Variants in NOTCH4 observed in about 807,000 individuals in gnomAD.
NOTCH4 encodes neurogenic locus notch homolog protein 4.
NOTCH4 carries 138 observed loss-of-function variants against 189.0 expected under a neutral mutation model. The ratio of observed to expected loss-of-function variants is 0.73; its 90% confidence interval spans 0.64 to 0.84. The LOEUF (loss-of-function observed/expected upper bound fraction) is 0.84, where lower values mean the gene tolerates loss of function less well. Ranked by LOEUF, NOTCH4 falls within the 40% of genes least tolerant of loss-of-function variation. The probability of loss-of-function intolerance (pLI) is 0.00; values close to 1 mark genes in which losing one functional copy is unlikely to be tolerated. For synonymous variants in NOTCH4, 942 were observed against 1,032.8 expected, an observed-to-expected ratio of 0.91 and a Z score of 1.69; for missense variants, 2,286 against 2,605.4, an observed-to-expected ratio of 0.88 and a Z score of 2.67.
chr6:32,196,461 C>T (rs1308209124), intron 28 of NOTCH4, 40 bp from the exon 29 acceptor site: 1 of 1,605,074 alleles, frequency 6.2e-7, no homozygotes, highest in Non-Finnish European at 8.5e-7. Flanking sequence ...CAGTTGGGGG[C>T]CAGACGCCTG....
rs760719771 is a variant in NOTCH4, at chr6:32,201,036, T to C, written c.4140-30A>G. On this transcript the variant is annotated intron_variant, in intron 22 of 29. Transcript: ENST00000375023. The surrounding 1 kb of genome is among the most constrained non-coding windows in gnomAD (Gnocchi z 5.5). The stretch of plus-strand genomic sequence containing the variant: ...AGAGGAGGCACCTCAGAGACCTCTG[T>C]ATTGGTCCCTGGCTCCCTTTCCTCC... 6.4e-7 allele frequency: 1 copy of C among 1,561,032 alleles called. No individual in the cohort carries two copies.
intron 28 of NOTCH4, among the ~76,000 whole-genome samples, 158 bp downstream of exon 28, chr6:32,196,767 A>G (rs1582766661): frequency 4.7e-5 from 7 of 150,532 alleles, no homozygotes; most frequent in Admixed American, 3.3e-4. Flanking sequence ...TTGGGGGGGG[A>G]AACTCACGCG....
Position 32,195,970 on chromosome 6 carries a change from C to T in NOTCH4, c.5479G>A (p.Ala1827Thr), listed in dbSNP as rs1255285415. The T allele has an allele frequency of 3.1e-6, 5 of 1,597,328 alleles. No homozygotes were observed. The highest frequency in any genetic ancestry group is 4.2e-6 in the Non-Finnish European group (5 of 1,178,612). The change falls in exon 30 of 30, where the codon GCC becomes ACC. Residue 1827 changes from alanine (A) to threonine (T), a missense_variant. Physicochemically the swap from Ala to Thr is moderately conservative, Grantham distance 58 (BLOSUM62 0). Coordinates refer to ENST00000375023, the MANE Select transcript of NOTCH4 (RefSeq NM_004557.4). The surrounding 1 kb of genome is among the most constrained non-coding windows in gnomAD (Gnocchi z 5.4). ...CGGCCCGGCGTGGCTTTGTGACGGGCCTCTGGTGGCCCAGCCCCTTCCAGC... is the reference window on the plus strand; with the variant it reads ...CGGCCCGGCGTGGCTTTGTGACGGGTCTCTGGTGGCCCAGCCCCTTCCAGC... Reference protein sequence around the residue: ...TLLEGAGPPEARHKATPGREA... With the variant: ...TLLEGAGPPETRHKATPGREA...
intron 18 of NOTCH4, among the ~76,000 whole-genome samples, chr6:32,205,606 G>A (rs1688344033): frequency 6.7e-6 from 1 of 149,852 alleles, no homozygotes; most frequent in Non-Finnish European, 1.5e-5. Context: ...GTGCCCAGAG[G>A]TTTACTACTG....
chr6:32,207,148 C>T (rs1428093576), intron 18 of NOTCH4, among the ~76,000 whole-genome samples: 1 of 151,182 alleles, frequency 6.6e-6, no homozygotes, highest in African/African-American at 2.4e-5. Context: ...TCAGGCTGGT[C>T]TCGAACTCCT....
At position 32,198,541 on chromosome 6, in the gene NOTCH4, G is replaced by T. The variant is rs1490781358; in HGVS notation, c.4636C>A (p.Pro1546Thr). 1 of 1,612,952 alleles carries T rather than the reference G, an allele frequency of 6.2e-7. No individual in the cohort carries two copies. Among genetic ancestry groups the T allele is most frequent in the Non-Finnish European group, 8.5e-7 (1 of 1,179,962 alleles). ...AGAGACCAGAGCTGGCACGTGGAGGGTGGGCCTGTTTCTTCAGCCTTTGGG... is the reference window on the plus strand; with the variant it reads ...AGAGACCAGAGCTGGCACGTGGAGGTTGGGCCTGTTTCTTCAGCCTTTGGG... ...EVGQAEETGP[P>T]STCQLWSLSG... Residue 1546 changes from proline (P) to threonine (T), a missense_variant, in exon 26 of 30, where the codon CCC becomes ACC. By Grantham distance (38) the Pro-to-Thr change is conservative (BLOSUM62 -1). This residue lies in a region of NOTCH4 where 1,903 missense variants were observed against 2,261.9 expected (regional missense o/e 0.84). Coordinates refer to ENST00000375023, the MANE Select transcript of NOTCH4 (RefSeq NM_004557.4). This position sits in a 1 kb window ranked among gnomAD's most constrained non-coding sequence, Gnocchi z 5.5.
Position 32,202,528 on chromosome 6 carries a change from C to A in NOTCH4, c.3303G>T (p.Leu1101=), listed in dbSNP as rs1788420088. ...CGFHHCHHGG[L]CLPSPKPGFP... is the part of the protein sequence containing the mutation. ...AGCCTGGCTTAGGGGAGGGCAGACACAGGCCTCCGTGGTGGCAGTGATGGA... is the reference window on the plus strand; with the variant it reads ...AGCCTGGCTTAGGGGAGGGCAGACAAAGGCCTCCGTGGTGGCAGTGATGGA... The change falls in exon 21 of 30, where the codon CTG becomes CTT. Residue 1101 remains leucine (L), a synonymous_variant. Transcript: ENST00000375023. This position sits in a 1 kb window ranked among gnomAD's most constrained non-coding sequence, Gnocchi z 5.7. 6.2e-7 allele frequency: 1 copy of A among 1,610,616 alleles called. No individual in the cohort carries two copies. Among genetic ancestry groups the A allele is most frequent in the Non-Finnish European group, 8.5e-7 (1 of 1,178,192 alleles).
rs1789435959 is a variant in NOTCH4 at position 32,216,767 on chromosome 6, C to T, written c.1861+178G>A. On this transcript the variant is annotated intron_variant, in intron 11 of 29. Coordinates refer to ENST00000375023, the MANE Select transcript of NOTCH4 (RefSeq NM_004557.4). ...GGGCCCATGTGGGCCCTACGGTAACCCCTGCCCTTGTCCCCATGGTTGTAC... is the reference window on the plus strand; with the variant it reads ...GGGCCCATGTGGGCCCTACGGTAACTCCTGCCCTTGTCCCCATGGTTGTAC... 8 of 797,574 alleles carry T rather than the reference C, an allele frequency of 1.0e-5. No homozygotes were observed. The East Asian group carries it at 1.6e-4, about 16-fold the overall frequency. The allele number at this position is 797,574 out of a possible 1,614,324, so 49.4% of individuals were successfully genotyped here. A position where few individuals can be genotyped will look rare whatever the true frequency, so the allele number is the denominator to read the frequency against.
At position 32,200,919 on chromosome 6, in the gene NOTCH4, G is replaced by C; in HGVS notation, c.4227C>G (p.Leu1409=). Residue 1409 remains leucine (L), a synonymous_variant, in exon 23 of 30, where the codon CTC becomes CTG. Coordinates refer to ENST00000375023, the MANE Select transcript of NOTCH4 (RefSeq NM_004557.4). The surrounding 1 kb of genome is among the most constrained non-coding windows in gnomAD (Gnocchi z 5.0). ...CTGCAGCCATCGCAGCAAGGAAGCG[G>C]AGTAGAAGCCCAGGGTCCCAGGGAC... ...SRCPWDPGLL[L]RFLAAMAAVG... The C allele has an allele frequency of 6.2e-7, 1 of 1,609,086 alleles. No homozygotes were observed. Among genetic ancestry groups the C allele is most frequent in the Non-Finnish European group, 8.5e-7 (1 of 1,178,200 alleles).
At chr6:32,223,212 A>C in intron 1 of NOTCH4, 126 bp from the exon 2 acceptor site, 2 of 739,512 alleles carry the variant, frequency 2.7e-6, no homozygotes, top group Non-Finnish European at 4.9e-6. Context: ...CCTCTTCTTC[A>C]CATCTGTCCC....
chr6:32,221,395 G>T lies in NOTCH4; in HGVS notation c.452-70C>A. 8.9e-7 allele frequency: 1 copy of T among 1,124,504 alleles called. No homozygotes were observed. Among genetic ancestry groups the T allele is most frequent in the Non-Finnish European group, 1.3e-6 (1 of 773,428 alleles). The allele number at this position is 1,124,504 out of a possible 1,614,324, so 69.7% of individuals were successfully genotyped here. A position where few individuals can be genotyped will look rare whatever the true frequency, so the allele number is the denominator to read the frequency against. On this transcript the variant is annotated intron_variant, in intron 3 of 29. Coordinates refer to ENST00000375023, the MANE Select transcript of NOTCH4 (RefSeq NM_004557.4). This position sits in a 1 kb window ranked among gnomAD's most constrained non-coding sequence, Gnocchi z 4.3. ...TCTAGCCCATCTGAGGTTACCCAGT[G>T]CTCACTCTGGATTATCTCTGGGTCT... is the stretch of plus-strand genomic sequence containing the variant.
At chr6:32,207,685 A>G (rs894667771) in intron 18 of NOTCH4, among the ~76,000 whole-genome samples, 4 of 151,340 alleles carry the variant, frequency 2.6e-5, no homozygotes, top group Non-Finnish European at 5.9e-5. Context: ...GTCATCATAT[A>G]CAAAATAGAT....
intron 18 of NOTCH4, among the ~76,000 whole-genome samples, chr6:32,208,669 G>A (rs559903283): frequency 2.0e-5 from 3 of 152,318 alleles, no homozygotes; most frequent in Admixed American, 1.3e-4. Flanking sequence ...GGGAGGCAGA[G>A]GTTGCAGTGA....
Position 32,199,156 on chromosome 6 carries a change from A to T in NOTCH4, c.4316-11T>A. 1 of 1,561,436 alleles carries T rather than the reference A, an allele frequency of 6.4e-7. No individual in the cohort carries two copies. The highest frequency in any genetic ancestry group is 8.7e-7 in the Non-Finnish European group (1 of 1,154,526). ...GGTTGGCAGGGGGTGCTGGTGGGAG[A>T]GACAGAGTCACAAAGAGAGGCCACT... On this transcript the variant is annotated splice_polypyrimidine_tract_variant and intron_variant, in intron 23 of 29. Coordinates refer to ENST00000375023, the MANE Select transcript of NOTCH4 (RefSeq NM_004557.4). The surrounding 1 kb of genome is among the most constrained non-coding windows in gnomAD (Gnocchi z 4.9).
At position 32,217,461 on chromosome 6, in the gene NOTCH4, C is replaced by A. The variant is rs965736519; in HGVS notation, c.1625-195G>T. On this transcript the variant is annotated intron_variant, in intron 9 of 29. Coordinates refer to ENST00000375023, the MANE Select transcript of NOTCH4 (RefSeq NM_004557.4). The surrounding 1 kb of genome is among the most constrained non-coding windows in gnomAD (Gnocchi z 4.2). The stretch of plus-strand genomic sequence containing the variant: ...CACCTGCCAGCTGTGTGACTTTGGG[C>A]AAGCTGGTCAACCCTCTAGGCCCCA... Among the ~76,000 whole-genome samples, 4 of 152,112 alleles carry A rather than the reference C, an allele frequency of 2.6e-5. No individual in the cohort carries two copies. The highest frequency in any genetic ancestry group is 6.5e-5 in the Admixed American group (1 of 15,282).
At chr6:32,196,822 G>A in intron 28 of NOTCH4, 103 bp downstream of exon 28, 1 of 1,410,084 alleles carries the variant, frequency 7.1e-7, no homozygotes, top group Non-Finnish European at 9.8e-7. Flanking sequence ...GTAACAGCAG[G>A]ATGAGAGGGA....
In NOTCH4 at chr6:32,198,640, C is replaced by G; in HGVS notation, c.4617+9G>C. The G allele has an allele frequency of 6.2e-7, 1 of 1,611,466 alleles. No individual in the cohort carries two copies. The highest frequency in any genetic ancestry group is 8.5e-7 in the Non-Finnish European group (1 of 1,179,162). ...CACCTCCAGACCATTCTTGCCCCAG[C>G]CCTTTCACCTGGCCCACCTCCTCTC... On this transcript the variant is annotated intron_variant, in intron 25 of 29. Transcript: ENST00000375023. The surrounding 1 kb of genome is among the most constrained non-coding windows in gnomAD (Gnocchi z 5.5).
Position 32,223,977 on chromosome 6 carries a change from G to C in NOTCH4, c.-49C>G. ...CGGTCCCTGTCCCTCTTCAGGCAGG[G>C]ACCCTCAGAGCTCTCACTGGGGCAG... is the stretch of plus-strand genomic sequence containing the variant. On this transcript the variant is annotated 5_prime_UTR_variant, in exon 1 of 30. Coordinates refer to ENST00000375023, the MANE Select transcript of NOTCH4 (RefSeq NM_004557.4). The C allele has an allele frequency of 6.5e-7, 1 of 1,547,432 alleles. No individual in the cohort carries two copies. The highest frequency in any genetic ancestry group is 8.7e-7 in the Non-Finnish European group (1 of 1,154,396).
chr6:32,219,850 T>G, intron 7 of NOTCH4, 64 bp from the exon 8 acceptor site: 1 of 1,389,322 alleles, frequency 7.2e-7, no homozygotes, highest in Non-Finnish European at 1.0e-6. Flanking sequence ...GAGGTGAGAC[T>G]GTCAGGGAAG....
Sources: allele counts gnomAD v4.1 joint callset (sites outside exome capture counted in the v4.1 genomes callset), GRCh38; gene constraint gnomAD v4.1.1; regional missense constraint gnomAD v4.1.1; non-coding constraint Gnocchi (gnomAD v3.1); transcripts MANE v1.5; gene names NCBI Gene and HGNC (gene_info 2026-07-23, HGNC 2026-07-21).